The following CNTN1 variants were observed in gnomAD, a reference collection of about 807,000 sequenced individuals.
The protein encoded by CNTN1 is contactin-1.
Under a neutral mutation model 126.4 loss-of-function variants are expected in CNTN1, and 38 were observed. That is an observed-to-expected ratio of 0.30 (90% CI 0.23 to 0.39). The LOEUF (loss-of-function observed/expected upper bound fraction) is 0.39, where lower values mean the gene tolerates loss of function less well. Among genes scored for constraint, CNTN1 ranks in the 10% least tolerant of loss-of-function variants. The probability of loss-of-function intolerance (pLI) is 1.00; values close to 1 mark genes in which losing one functional copy is unlikely to be tolerated. For missense variants in CNTN1, 1,009 were observed against 1,248.4 expected, an observed-to-expected ratio of 0.81 and a Z score of 2.89; for synonymous variants, 413 against 422.6, an observed-to-expected ratio of 0.98 and a Z score of 0.28.
chr12:41,069,112 G>A (rs182916796), intron 23 of CNTN1, among the ~76,000 whole-genome samples: 61 of 152,206 alleles, frequency 4.0e-4, no homozygotes, highest in African/African-American at 1.4e-3. Flanking sequence ...TTCTCATGTC[G>A]GCAGGACACG....
At chr12:40,922,160 T>C in intron 4 of CNTN1, 96 bp from the exon 5 acceptor site, 1 of 1,003,218 alleles carries the variant, frequency 1.0e-6, no homozygotes, top group Non-Finnish European at 1.6e-6. Flanking sequence ...TGACTTCACA[T>C]GGAGCCGTAC....
At position 40,754,348 on chromosome 12, in the gene CNTN1, G is replaced by GTTC. The variant is rs1938519505; in HGVS notation, c.-77+61756_-77+61757insTTC. 7.9e-5 allele frequency among the ~76,000 whole-genome samples: 12 copies of GTTC among 152,052 alleles called. 1 individual carries two copies. Among genetic ancestry groups the GTTC allele is most frequent in the Admixed American group, 7.2e-4 (11 of 15,256 alleles). On this transcript the variant is annotated intron_variant, in intron 1 of 23. Coordinates refer to ENST00000551295, the MANE Select transcript of CNTN1 (RefSeq NM_001843.4). The stretch of plus-strand genomic sequence containing the variant: ...AATGTTCAAGTCCCTTTTATGAAAT[G>GTTC]ACATGGTATTTTCATATAACCAATG...
intron 15 of CNTN1, among the ~76,000 whole-genome samples, chr12:40,970,699 A>C (rs1158429969): frequency 6.6e-6 from 1 of 152,152 alleles, no homozygotes; most frequent in East Asian, 1.9e-4. Context: ...TTCTGTATTA[A>C]TATACACATA....
At chr12:40,710,259 T>C (rs2121160163) in intron 1 of CNTN1, among the ~76,000 whole-genome samples, 1 of 152,218 alleles carries the variant, frequency 6.6e-6, no homozygotes, top group African/African-American at 2.4e-5. Flanking sequence ...TGGGAAGGCC[T>C]GAGGAGAGGG....
At chr12:40,840,975 G>T (rs367765952) in intron 1 of CNTN1, among the ~76,000 whole-genome samples, 8 of 151,538 alleles carry the variant, frequency 5.3e-5, no homozygotes, top group Non-Finnish European at 1.0e-4. Context: ...AAATGAAATA[G>T]AGACTAAATA....
At chr12:40,707,038 GCGCTTGCGCACACACACA>G (rs1315983821) in intron 1 of CNTN1, among the ~76,000 whole-genome samples, 1 of 103,854 alleles carries the variant, frequency 9.6e-6, no homozygotes, top group African/African-American at 3.8e-5. Flanking sequence ...GTGCGCGCGC[GCGCTTGCGCACACACACA>G]CACACACACA....
chr12:40,872,326 G>C (rs925945145), intron 1 of CNTN1, among the ~76,000 whole-genome samples: 12 of 148,170 alleles, frequency 8.1e-5, no homozygotes, highest in Non-Finnish European at 1.6e-4. Flanking sequence ...TTAGTGTATA[G>C]TTATGTCAAG....
intron 1 of CNTN1, among the ~76,000 whole-genome samples, chr12:40,899,849 T>C (rs1479359777): frequency 4.6e-5 from 7 of 152,174 alleles, no homozygotes; most frequent in Non-Finnish European, 1.0e-4. Flanking sequence ...AACACTGACT[T>C]ATTGTTATGA....
At chr12:40,848,754 G>A (rs1409150828) in intron 1 of CNTN1, among the ~76,000 whole-genome samples, 1 of 150,130 alleles carries the variant, frequency 6.7e-6, no homozygotes, top group African/African-American at 2.4e-5. Flanking sequence ...AAGTCCTACT[G>A]AAGTTGTACT....
chr12:40,773,001 C>A (rs1397800372), intron 1 of CNTN1, among the ~76,000 whole-genome samples: 1 of 151,808 alleles, frequency 6.6e-6, no homozygotes, highest in Non-Finnish European at 1.5e-5. Flanking sequence ...GATATACGCA[C>A]ATTGGATATA....
intron 1 of CNTN1, among the ~76,000 whole-genome samples, chr12:40,835,323 A>G (rs1942007940): frequency 6.6e-6 from 1 of 152,172 alleles, no homozygotes; most frequent in Admixed American, 6.5e-5. Flanking sequence ...TTATGGGTTG[A>G]TAGAAAGTAC....
intron 1 of CNTN1, among the ~76,000 whole-genome samples, chr12:40,888,086 G>A (rs2136717251): frequency 6.6e-6 from 1 of 151,888 alleles, no homozygotes; most frequent in Non-Finnish European, 1.5e-5. Flanking sequence ...AATGGGTGCA[G>A]TACACCAACA....
chr12:40,990,061 T>C (rs1316360300), intron 16 of CNTN1, among the ~76,000 whole-genome samples: 1 of 152,156 alleles, frequency 6.6e-6, no homozygotes, highest in Non-Finnish European at 1.5e-5. Flanking sequence ...CTTTTAAAAA[T>C]GATAGACGTT....
rs1264826564 is a variant in CNTN1, at chr12:40,908,509, T to C, written c.61+16T>C. 1.3e-6 allele frequency: 2 copies of C among 1,528,848 alleles called. No individual in the cohort carries two copies. Among genetic ancestry groups the C allele is most frequent in the Non-Finnish European group, 1.8e-6 (2 of 1,105,264 alleles). The allele number at this position is 1,528,848 out of a possible 1,614,324, so 94.7% of individuals were successfully genotyped here. A position where few individuals can be genotyped will look rare whatever the true frequency, so the allele number is the denominator to read the frequency against. ...TGTTTAGCAGGTAAGAAATATCCTT[T>C]GTATATTCTACATATATTATGTCAA... On this transcript the variant is annotated intron_variant, in intron 2 of 23. Transcript: ENST00000551295.
At chr12:40,943,758 T>C (rs1350600854) in intron 13 of CNTN1, 34 bp downstream of exon 13, 1 of 1,609,704 alleles carries the variant, frequency 6.2e-7, no homozygotes, top group African/African-American at 1.3e-5. Context: ...TAATTTCTAA[T>C]GTATTAAAAA....
intron 1 of CNTN1, among the ~76,000 whole-genome samples, chr12:40,792,978 A>G (rs1940275300): frequency 1.3e-5 from 2 of 152,086 alleles, no homozygotes; most frequent in Admixed American, 6.6e-5. Flanking sequence ...TGTAGGGAAA[A>G]TCTACATTAG....
Position 40,861,688 on chromosome 12 carries a change from C to T in CNTN1, c.-76-46669C>T, listed in dbSNP as rs549349206. On this transcript the variant is annotated intron_variant, in intron 1 of 23. Coordinates refer to ENST00000551295, the MANE Select transcript of CNTN1 (RefSeq NM_001843.4). ...ATTTACCAATTTCTTTAAAAGAACCCTCTTCAAAAAAGTTATTTTCAGTTT... is the reference window on the plus strand; with the variant it reads ...ATTTACCAATTTCTTTAAAAGAACCTTCTTCAAAAAAGTTATTTTCAGTTT... 4.6e-5 allele frequency among the ~76,000 whole-genome samples: 7 copies of T among 152,128 alleles called. No individual in the cohort carries two copies. The South Asian group carries it at 1.2e-3, about 27-fold the overall frequency.
chr12:41,053,268 T>C (rs1949724941), intron 23 of CNTN1, among the ~76,000 whole-genome samples: 2 of 150,714 alleles, frequency 1.3e-5, no homozygotes, highest in African/African-American at 4.9e-5. Context: ...TAAAAAGACA[T>C]TCTTTCTTTT....
intron 1 of CNTN1, among the ~76,000 whole-genome samples, chr12:40,797,589 A>C (rs1940487643): frequency 6.6e-6 from 1 of 152,064 alleles, no homozygotes; most frequent in Non-Finnish European, 1.5e-5. Flanking sequence ...TATAATAAGA[A>C]AACATCAAAC....
Sources: gnomAD v4.1 joint callset for allele counts (sites outside exome capture counted in the v4.1 genomes callset) on GRCh38, gnomAD v4.1.1 for gene constraint, MANE v1.5 for transcripts, NCBI Gene and HGNC (gene_info 2026-07-23, HGNC 2026-07-21) for gene names.